The following TBC1D5 variants were observed in gnomAD, a reference collection of about 807,000 sequenced individuals.
TBC1D5 encodes the protein TBC1 domain family, member 5.
Under a neutral mutation model 100.3 loss-of-function variants are expected in TBC1D5, and 75 were observed. The observed-to-expected ratio is 0.75, with a 90% CI of 0.62 to 0.91. The LOEUF (loss-of-function observed/expected upper bound fraction) is 0.91, where lower values mean the gene tolerates loss of function less well. TBC1D5 is among the 40% of genes least tolerant of loss of function. The pLI is 0.00. For synonymous variants in TBC1D5, 323 were observed against 325.6 expected (o/e 0.99, Z 0.09); for missense variants, 910 against 942.4 (o/e 0.97, Z 0.45).
chr3:17,307,930 G>A (rs1450752144), intron 14 of TBC1D5, 62 bp downstream of exon 14: 1 of 1,561,594 alleles, frequency 6.4e-7, no homozygotes, highest in South Asian at 1.2e-5. Context: ...TATTTAAAAG[G>A]CAAAACATTT....
At chr3:17,644,632 T>C (rs2064844307) in intron 1 of TBC1D5, among the ~76,000 whole-genome samples, 1 of 152,166 alleles carries the variant, frequency 6.6e-6, no homozygotes, top group South Asian at 2.1e-4. Flanking sequence ...TTTTAATTAC[T>C]TCTTAAGAAA....
At position 17,163,258 on chromosome 3, in the gene TBC1D5, C is replaced by G. The variant is rs548447457; in HGVS notation, c.2095-2002G>C. The stretch of plus-strand genomic sequence containing the variant: ...TAGCAGCCATTTTCTTTTATTGACC[C>G]CCCCCCCTTCCTTGCCCCTTTGCAT... On this transcript the variant is annotated intron_variant, in intron 21 of 21. Coordinates refer to ENST00000253692, the Ensembl canonical transcript of TBC1D5. 9.7e-3 allele frequency among the ~76,000 whole-genome samples: 551 copies of G among 56,808 alleles called. 22 individuals carry two copies. In the East Asian group the frequency reaches 0.24, roughly 25 times the overall value. 37.3% of individuals were successfully genotyped at this position (56,808 alleles called of 152,430 possible).
chr3:17,685,222 T>C (rs145832566), intron 1 of TBC1D5, among the ~76,000 whole-genome samples: 461 of 152,066 alleles, frequency 3.0e-3, no homozygotes, highest in African/African-American at 0.011. Context: ...TCCATGAGCA[T>C]TGCAATGACT....
chr3:17,223,664 C>T (rs772091610), intron 17 of TBC1D5, among the ~76,000 whole-genome samples: 2 of 152,066 alleles, frequency 1.3e-5, no homozygotes, highest in Admixed American at 6.6e-5. Context: ...AGTTCATGAC[C>T]AGCTTGGCTG....
intron 1 of TBC1D5, among the ~76,000 whole-genome samples, chr3:17,671,315 AGCAAAGT>A (rs2067910739): frequency 6.6e-6 from 1 of 152,188 alleles, no homozygotes. Context: ...AGCAGAGCCT[AGCAAAGT>A]GCTTCTCTCG....
chr3:17,582,477 C>T (rs751226529), intron 2 of TBC1D5, among the ~76,000 whole-genome samples: 3 of 151,744 alleles, frequency 2.0e-5, no homozygotes, highest in South Asian at 2.1e-4. Flanking sequence ...ATGACAAAAA[C>T]GGGATATAAA....
At chr3:17,294,186 TTGAC>T (rs2082028201) in intron 14 of TBC1D5, among the ~76,000 whole-genome samples, 1 of 150,632 alleles carries the variant, frequency 6.6e-6, no homozygotes, top group Non-Finnish European at 1.5e-5. Context: ...GCTTGATTGA[TTGAC>T]TAATCATTTA....
intron 3 of TBC1D5, among the ~76,000 whole-genome samples, chr3:17,450,388 A>G (rs2094898117): frequency 6.6e-6 from 1 of 152,192 alleles, no homozygotes; most frequent in South Asian, 2.1e-4. Context: ...AATGAGTTTG[A>G]TGAATTACAG....
chr3:17,200,488 A>C (rs1452775363), intron 18 of TBC1D5, among the ~76,000 whole-genome samples: 1 of 152,206 alleles, frequency 6.6e-6, no homozygotes, highest in East Asian at 1.9e-4. Context: ...TGTGCTCCTT[A>C]TGAGAATCTA....
intron 13 of TBC1D5, among the ~76,000 whole-genome samples, chr3:17,349,265 T>A (rs1472788536): frequency 6.6e-6 from 1 of 152,168 alleles, no homozygotes; most frequent in East Asian, 1.9e-4. Flanking sequence ...AAACATAGAT[T>A]CTTAGTCGCC....
At chr3:17,543,925 T>C (rs1286370005) in intron 2 of TBC1D5, among the ~76,000 whole-genome samples, 3 of 151,750 alleles carry the variant, frequency 2.0e-5, no homozygotes, top group Admixed American at 6.6e-5. Context: ...TGGAGTGCAG[T>C]GGCGCGATCT....
chr3:17,297,571 T>TAAA (rs35418915), intron 14 of TBC1D5, among the ~76,000 whole-genome samples: 3 of 137,242 alleles, frequency 2.2e-5, no homozygotes, highest in Admixed American at 7.3e-5. Context: ...GCGAGACTCC[T>TAAA]AAAAAAAAAA....
In TBC1D5 at chr3:17,641,180, A is replaced by G. The variant is rs530386491; in HGVS notation, c.-100-17267T>C. 1.1e-4 allele frequency among the ~76,000 whole-genome samples: 17 copies of G among 152,288 alleles called. No individual in the cohort carries two copies. The East Asian group carries it at 3.3e-3, about 29-fold the overall frequency. On this transcript the variant is annotated intron_variant, in intron 1 of 21. Coordinates refer to ENST00000253692, the Ensembl canonical transcript of TBC1D5. ...GGTATTCTTGAGTGGGTTTTGATTT[A>G]TTAGGACACCAGGGGTCCTATGAAT...
At chr3:17,270,491 A>T (rs952629846) in intron 15 of TBC1D5, among the ~76,000 whole-genome samples, 1 of 152,178 alleles carries the variant, frequency 6.6e-6, no homozygotes, top group South Asian at 2.1e-4. Context: ...ACAGTGAAGT[A>T]AGTAGAAGGC....
At chr3:17,640,324 TAA>T in intron 1 of TBC1D5, among the ~76,000 whole-genome samples, 1 of 152,266 alleles carries the variant, frequency 6.6e-6, no homozygotes, top group South Asian at 2.1e-4. Flanking sequence ...TTAAAACTAA[TAA>T]ACTTTATTAA....
At chr3:17,393,455 G>T (rs7640003) in intron 8 of TBC1D5, among the ~76,000 whole-genome samples, 7 of 152,036 alleles carry the variant, frequency 4.6e-5, no homozygotes, top group African/African-American at 1.7e-4. Flanking sequence ...ACTGTCTTCA[G>T]AGAATTAGAA....
At chr3:17,328,184 C>T (rs1395848378) in intron 13 of TBC1D5, among the ~76,000 whole-genome samples, 1 of 151,804 alleles carries the variant, frequency 6.6e-6, no homozygotes, top group Non-Finnish European at 1.5e-5. Context: ...GTGGGAGGAT[C>T]GCTTGAGCAT....
chr3:17,255,207 G>A (rs1239991980), intron 16 of TBC1D5, among the ~76,000 whole-genome samples: 1 of 151,964 alleles, frequency 6.6e-6, no homozygotes, highest in East Asian at 1.9e-4. Flanking sequence ...AGGATCTTGT[G>A]TTTCTTTTTT....
intron 1 of TBC1D5, chr3:17,706,208 G>C (rs2074140397): frequency 1.3e-6 from 2 of 1,551,122 alleles, no homozygotes; most frequent in Non-Finnish European, 8.7e-7. Context: ...GCATCGCGGC[G>C]AGGCCCAGGC....
Sources: allele counts gnomAD v4.1 joint callset (sites outside exome capture counted in the v4.1 genomes callset), GRCh38; gene constraint gnomAD v4.1.1; transcripts MANE v1.5; gene names NCBI Gene and HGNC (gene_info 2026-07-23, HGNC 2026-07-21).